Variants in PEMT observed in about 807,000 individuals in gnomAD.
PEMT encodes phosphatidylethanolamine N-methyltransferase.
A neutral mutation model predicts 27.4 loss-of-function variants in PEMT; 23 were observed. The observed-to-expected ratio is 0.84, with a 90% confidence interval of 0.60 to 1.19. The LOEUF is 1.19. PEMT is among the 50% of genes most tolerant of loss of function. PEMT has a pLI of 0.00. For synonymous variants in PEMT, 137 were observed against 139.1 expected, an observed-to-expected ratio of 0.98 and a Z score of 0.11; for missense variants, 307 against 310.1, an observed-to-expected ratio of 0.99 and a Z score of 0.07.
chr17:17,547,274 A>G (rs1909323718), intron 2 of PEMT, among the ~76,000 whole-genome samples: 1 of 152,230 alleles, frequency 6.6e-6, no homozygotes, highest in African/African-American at 2.4e-5. Context: ...CCCTCTCCAC[A>G]CACAGATCTG....
chr17:17,540,421 G>A (rs942413572), intron 2 of PEMT, among the ~76,000 whole-genome samples: 1 of 152,208 alleles, frequency 6.6e-6, no homozygotes, highest in South Asian at 2.1e-4. Flanking sequence ...TGGCCAGCCA[G>A]CATGAGTTCT....
chr17:17,558,752 T>C (rs1270466063), intron 2 of PEMT, among the ~76,000 whole-genome samples: 1 of 149,980 alleles, frequency 6.7e-6, no homozygotes, highest in Non-Finnish European at 1.5e-5. Context: ...AACGGGTTTG[T>C]AGTGATTTCT....
chr17:17,591,971 CG>C, upstream of PEMT: 1 of 985,434 alleles, frequency 1.0e-6, no homozygotes, highest in African/African-American at 1.7e-5. Context: ...ACTGACCTGG[CG>C]TCCCTGCCCT....
intron 2 of PEMT, among the ~76,000 whole-genome samples, chr17:17,524,971 G>T (rs1231941151): frequency 1.3e-5 from 2 of 152,142 alleles, no homozygotes; most frequent in African/African-American, 4.8e-5. Flanking sequence ...AGCCGGGAGT[G>T]GTGGTGTGCA....
intron 2 of PEMT, among the ~76,000 whole-genome samples, chr17:17,531,121 A>G (rs774048145): frequency 4.6e-5 from 7 of 152,110 alleles, no homozygotes; most frequent in Non-Finnish European, 1.0e-4. Context: ...TGTGGTCTCC[A>G]AATATCATTT....
chr17:17,543,406 C>T (rs577489790), intron 2 of PEMT, among the ~76,000 whole-genome samples: 1 of 152,362 alleles, frequency 6.6e-6, no homozygotes, highest in South Asian at 2.1e-4. Flanking sequence ...TGGCCCCAGA[C>T]CAGGAGCTCC....
intron 2 of PEMT, among the ~76,000 whole-genome samples, chr17:17,564,516 G>A (rs1205517470): frequency 1.3e-5 from 2 of 152,112 alleles, no homozygotes. Flanking sequence ...CAGCAGGGCG[G>A]TGCAGAACAG....
intron 1 of PEMT, among the ~76,000 whole-genome samples, chr17:17,590,041 C>T (rs1442310505): frequency 1.4e-5 from 2 of 138,724 alleles, no homozygotes; most frequent in Non-Finnish European, 3.0e-5. Flanking sequence ...TTGCATTCTG[C>T]CCCCCCTTCT....
At chr17:17,511,286 C>G (rs1175721766) in intron 4 of PEMT, among the ~76,000 whole-genome samples, 2 of 152,232 alleles carry the variant, frequency 1.3e-5, no homozygotes, top group Non-Finnish European at 2.9e-5. Context: ...CTGCTGTCCC[C>G]CTTCCTGGAC....
At chr17:17,549,445 C>T (rs1200189835) in intron 2 of PEMT, among the ~76,000 whole-genome samples, 1 of 152,186 alleles carries the variant, frequency 6.6e-6, no homozygotes, top group Non-Finnish European at 1.5e-5. Flanking sequence ...GCCTCAGCCT[C>T]CCAAAGTGCT....
chr17:17,528,127 A>G (rs761859420), intron 2 of PEMT, among the ~76,000 whole-genome samples: 5 of 152,228 alleles, frequency 3.3e-5, no homozygotes, highest in Non-Finnish European at 7.3e-5. Flanking sequence ...GAAGGAGCCC[A>G]TCCCTTTTGT....
intron 5 of PEMT, chr17:17,507,883 A>AT (rs1191260988): frequency 6.6e-6 from 1 of 152,614 alleles, no homozygotes; most frequent in Non-Finnish European, 1.5e-5. Context: ...TGCATGGCTG[A>AT]TGTCCTCTGG....
At chr17:17,564,239 C>G (rs947149810) in intron 2 of PEMT, among the ~76,000 whole-genome samples, 13 of 152,176 alleles carry the variant, frequency 8.5e-5, no homozygotes, top group African/African-American at 2.9e-4. Context: ...TCTTACCCCT[C>G]TGGGACTCTT....
chr17:17,505,660 C>A lies in PEMT; in HGVS notation c.*131G>T. 9.3e-7 allele frequency: 1 copy of A among 1,072,722 alleles called. No homozygotes were observed. Among genetic ancestry groups the A allele is most frequent in the Non-Finnish European group, 1.3e-6 (1 of 793,674 alleles). 66.5% of individuals were successfully genotyped at this position (1,072,722 alleles called of 1,614,324 possible). ...CCAGGGTCCCCAAGGCAGCAGGTTC[C>A]AAGGCACTGGGGCAGCCCACGCCGG... On this transcript the variant is annotated 3_prime_UTR_variant, in exon 7 of 7. Transcript: ENST00000255389.
chr17:17,537,243 C>T (rs1017290384), intron 2 of PEMT, among the ~76,000 whole-genome samples: 1 of 152,216 alleles, frequency 6.6e-6, no homozygotes, highest in African/African-American at 2.4e-5. Flanking sequence ...GGTGGGAGCC[C>T]AGAGCTCCTC....
intron 1 of PEMT, among the ~76,000 whole-genome samples, chr17:17,586,284 GAAAGAAAAAAAA>G (rs1912302136): frequency 5.5e-5 from 4 of 72,728 alleles, no homozygotes; most frequent in African/African-American, 1.3e-4. Context: ...AAGAAAGAAA[GAAAGAAAAAAAA>G]AAACGCAGGT....
chr17:17,543,139 C>T (rs1909007440), intron 2 of PEMT, among the ~76,000 whole-genome samples: 1 of 152,248 alleles, frequency 6.6e-6, no homozygotes, highest in Non-Finnish European at 1.5e-5. Context: ...GCATCTGCTT[C>T]CGATCCCCAG....
At chr17:17,543,855 G>A (rs1042330620) in intron 2 of PEMT, among the ~76,000 whole-genome samples, 1 of 152,200 alleles carries the variant, frequency 6.6e-6, no homozygotes, top group Non-Finnish European at 1.5e-5. Context: ...GAGCCACGGC[G>A]CCCAGCCAGC....
In PEMT at chr17:17,522,285, C is replaced by G. The variant is rs767244941; in HGVS notation, c.315G>C (p.Ser105=). The change falls in exon 3 of 7, where the codon TCG becomes TCC. Residue 105 remains serine (S), a synonymous_variant. Transcript: ENST00000255389. ...AGTGAGAGAGCTGTGCTTACCAGTG[C>G]GAGCGCAGGAAGTTCAGGAGCAGGA... ...VTILLLNFLR[S]HCFTQAMLSQ... 4 of 1,609,564 alleles carry G rather than the reference C, an allele frequency of 2.5e-6. No individual in the cohort carries two copies. The highest frequency in any genetic ancestry group is 2.6e-6 in the Non-Finnish European group (3 of 1,176,010).
Sources: allele counts gnomAD v4.1 joint callset (sites outside exome capture counted in the v4.1 genomes callset), GRCh38; gene constraint gnomAD v4.1.1; transcripts MANE v1.5; gene names NCBI Gene and HGNC (gene_info 2026-07-23, HGNC 2026-07-21).